The following TAFA1 variants were observed in gnomAD, a reference collection of about 807,000 sequenced individuals.
The protein encoded by TAFA1 is TAFA chemokine like family member 1, also known as chemokine-like protein TAFA-1.
TAFA1 carries 4 observed loss-of-function variants against 18.5 expected under a neutral mutation model. That is an observed-to-expected ratio of 0.22 (90% CI 0.11 to 0.49). The LOEUF (loss-of-function observed/expected upper bound fraction) is 0.49, where lower values mean the gene tolerates loss of function less well. TAFA1 is among the 20% of genes least tolerant of loss of function. TAFA1 has a pLI of 0.98. For synonymous variants in TAFA1, 56 were observed against 55.2 expected (o/e 1.01, Z -0.06); for missense variants, 147 against 169.0 (o/e 0.87, Z 0.72).
intron 2 of TAFA1, among the ~76,000 whole-genome samples, chr3:68,181,339 C>T (rs911184257): frequency 6.6e-6 from 1 of 150,754 alleles, no homozygotes; most frequent in Admixed American, 6.6e-5. Context: ...AAATAATATA[C>T]CTTACTCCAG....
At chr3:68,041,719 C>A (rs1272533508) in intron 2 of TAFA1, among the ~76,000 whole-genome samples, 2 of 152,218 alleles carry the variant, frequency 1.3e-5, no homozygotes, top group Non-Finnish European at 2.9e-5. Flanking sequence ...TTCTCTAGGA[C>A]TTTTCCCACT....
chr3:68,329,829 T>C lies in TAFA1; in HGVS notation c.119-87451T>C, dbSNP rs141859078. Among the ~76,000 whole-genome samples the C allele has an allele frequency of 1.8e-3, 272 of 152,288 alleles. 12 individuals carry two copies. The South Asian group carries it at 0.053, about 30-fold the overall frequency. The stretch of plus-strand genomic sequence containing the variant: ...AATTCTGTGCTGAGAGATAGAGAAA[T>C]GGGAGGGTTTTCATACCTTATTAAT... On this transcript the variant is annotated intron_variant, in intron 2 of 4. Coordinates refer to ENST00000478136, the MANE Select transcript of TAFA1 (RefSeq NM_213609.4).
At chr3:68,364,434 CA>C (rs1013001079) in intron 2 of TAFA1, among the ~76,000 whole-genome samples, 1 of 151,444 alleles carries the variant, frequency 6.6e-6, no homozygotes, top group African/African-American at 2.4e-5. Context: ...TCCAAAATTC[CA>C]AAAAAGAAGT....
At chr3:68,085,224 C>G (rs935550725) in intron 2 of TAFA1, among the ~76,000 whole-genome samples, 1 of 152,048 alleles carries the variant, frequency 6.6e-6, no homozygotes, top group Non-Finnish European at 1.5e-5. Context: ...AAGTCAGTAA[C>G]CATAAAGGGA....
intron 2 of TAFA1, among the ~76,000 whole-genome samples, chr3:68,306,974 T>A (rs1424688504): frequency 6.6e-6 from 1 of 152,200 alleles, no homozygotes. Context: ...TTGAACATGA[T>A]CTTTGACTCC....
intron 2 of TAFA1, among the ~76,000 whole-genome samples, chr3:68,083,110 T>C (rs1001686252): frequency 2.0e-5 from 3 of 152,194 alleles, no homozygotes; most frequent in Non-Finnish European, 2.9e-5. Flanking sequence ...ACCAGCATAA[T>C]GGAGCCCGAA....
intron 2 of TAFA1, among the ~76,000 whole-genome samples, chr3:68,143,245 G>A (rs2106905888): frequency 6.6e-6 from 1 of 152,222 alleles, no homozygotes; most frequent in South Asian, 2.1e-4. Context: ...ACCATATATA[G>A]TTTCTACCCT....
intron 4 of TAFA1, 97 bp downstream of exon 4, chr3:68,538,977 G>A: frequency 7.8e-7 from 1 of 1,285,868 alleles, no homozygotes; most frequent in South Asian, 1.4e-5. Context: ...TTGCACAGGA[G>A]AGAAGATTCT....
chr3:68,463,169 A>C (rs905291805), intron 3 of TAFA1, among the ~76,000 whole-genome samples: 1 of 152,182 alleles, frequency 6.6e-6, no homozygotes, highest in South Asian at 2.1e-4. Context: ...ATAGATTTCT[A>C]TCCAAGTTGA....
chr3:68,370,844 G>A (rs2069692606), intron 2 of TAFA1, among the ~76,000 whole-genome samples: 2 of 149,942 alleles, frequency 1.3e-5, no homozygotes, highest in Admixed American at 6.6e-5. Flanking sequence ...GAGTGCCAGG[G>A]AATAATCTAT....
At chr3:68,194,468 A>G (rs2066386973) in intron 2 of TAFA1, among the ~76,000 whole-genome samples, 2 of 151,820 alleles carry the variant, frequency 1.3e-5, no homozygotes, top group Non-Finnish European at 2.9e-5. Context: ...CTGATGGGAT[A>G]TCTGATGACA....
At chr3:68,100,777 G>A (rs901392781) in intron 2 of TAFA1, among the ~76,000 whole-genome samples, 1 of 152,094 alleles carries the variant, frequency 6.6e-6, no homozygotes, top group East Asian at 1.9e-4. Flanking sequence ...GAATGAATGA[G>A]ATTTCATCCC....
At chr3:68,439,830 C>T (rs990386917) in intron 3 of TAFA1, among the ~76,000 whole-genome samples, 1 of 152,040 alleles carries the variant, frequency 6.6e-6, no homozygotes, top group Non-Finnish European at 1.5e-5. Context: ...TTAACAATCA[C>T]AAGTCCATTC....
rs143511117 is a variant in TAFA1, at chr3:68,414,006, G to T, written c.119-3274G>T. Among the ~76,000 whole-genome samples, 303 of 152,150 alleles carry T rather than the reference G, an allele frequency of 2.0e-3. 1 individual carries two copies. Among genetic ancestry groups the T allele is most frequent in the African/African-American group, 6.9e-3 (286 of 41,524 alleles). Reference sequence around the variant, plus strand: ...TCCATGGAGGAAAGTCAAGGAGAGAGAGAGTCATAACAAATCGGCTGGGCA... The same window carrying T: ...TCCATGGAGGAAAGTCAAGGAGAGATAGAGTCATAACAAATCGGCTGGGCA... On this transcript the variant is annotated intron_variant, in intron 2 of 4. Coordinates refer to ENST00000478136, the MANE Select transcript of TAFA1 (RefSeq NM_213609.4).
intron 2 of TAFA1, among the ~76,000 whole-genome samples, chr3:68,234,434 T>C (rs1474825070): frequency 2.0e-5 from 3 of 152,146 alleles, no homozygotes; most frequent in Non-Finnish European, 4.4e-5. Flanking sequence ...ATGTTGAGTA[T>C]CTCCTCTTTT....
intron 2 of TAFA1, among the ~76,000 whole-genome samples, chr3:68,044,891 T>C (rs28698507): frequency 0.1 from 15,460 of 152,266 alleles, 1,130 homozygotes; most frequent in Non-Finnish European, 0.14. Flanking sequence ...TAGAAGTTAA[T>C]TGATAGTAAT....
At chr3:68,177,677 T>C (rs2066142510) in intron 2 of TAFA1, among the ~76,000 whole-genome samples, 1 of 152,180 alleles carries the variant, frequency 6.6e-6, no homozygotes, top group African/African-American at 2.4e-5. Context: ...AATATAATAG[T>C]TACAAGCTGG....
rs868285768 is a variant in TAFA1 at position 68,193,166 on chromosome 3, A to C, written c.118+186422A>C. Among the ~76,000 whole-genome samples the C allele has an allele frequency of 4.6e-5, 7 of 151,878 alleles. No individual in the cohort carries two copies. In the South Asian group the frequency reaches 1.2e-3, roughly 27 times the overall value. Reference sequence around the variant, plus strand: ...AAAATAAGCTCCAAAGTAAGTTGGGATAGCAGAAAAGTTGGAAAAATCTTA... The same window carrying C: ...AAAATAAGCTCCAAAGTAAGTTGGGCTAGCAGAAAAGTTGGAAAAATCTTA... On this transcript the variant is annotated intron_variant, in intron 2 of 4. Transcript: ENST00000478136.
chr3:68,134,767 G>A (rs778292369), intron 2 of TAFA1, among the ~76,000 whole-genome samples: 1 of 152,134 alleles, frequency 6.6e-6, no homozygotes. Context: ...TAAGAGATAG[G>A]GTCTCTAGCC....
Sources: allele counts gnomAD v4.1 joint callset (sites outside exome capture counted in the v4.1 genomes callset), GRCh38; gene constraint gnomAD v4.1.1; transcripts MANE v1.5; gene names NCBI Gene and HGNC (gene_info 2026-07-23, HGNC 2026-07-21).